Variants in SFPQ observed in about 807,000 individuals in gnomAD.
The protein encoded by SFPQ is splicing factor, proline- and glutamine-rich.
A neutral mutation model predicts 72.9 loss-of-function variants in SFPQ; 11 were observed. That is an observed-to-expected ratio of 0.15 (90% confidence interval 0.09 to 0.25). SFPQ has a LOEUF of 0.25. SFPQ is among the 10% of genes least tolerant of loss of function. SFPQ has a pLI of 1.00. For missense variants in SFPQ, 847 were observed against 993.3 expected (o/e 0.85, Z 1.98); for synonymous variants, 506 against 367.3 (o/e 1.38, Z -4.32).
In SFPQ at chr1:35,188,075, T is replaced by G; in HGVS notation, c.1713A>C (p.Arg571=). Reference sequence around the variant, plus strand: ...TCATCATCTCTTCCTCTCTTCTACGTCGTTCCTCCTCTTGCCTAGAAATAC... The same window carrying G: ...TCATCATCTCTTCCTCTCTTCTACGGCGTTCCTCCTCTTGCCTAGAAATAC... ...KEMQLRQEEE[R]RRREEEMMIR... Residue 571 remains arginine (R), a synonymous_variant, in exon 7 of 10, where the codon CGA becomes CGC. Transcript: ENST00000357214. 1 of 1,613,320 alleles carries G rather than the reference T, an allele frequency of 6.2e-7. No individual in the cohort carries two copies.
intron 1 of SFPQ, among the ~76,000 whole-genome samples, chr1:35,191,795 C>T (rs1455344870): frequency 1.3e-5 from 2 of 152,118 alleles, no homozygotes; most frequent in Non-Finnish European, 2.9e-5. Flanking sequence ...TTGAGTGTCC[C>T]TAAAAAAATC....
Position 35,184,610 on chromosome 1 carries a change from T to G in SFPQ, c.1987-17A>C, listed in dbSNP as rs759410924. ...CTCAGTACGCTATTGGAACAGTAAT[T>G]AACAGTTCATTATAAGTAGTTGATG... On this transcript the variant is annotated splice_polypyrimidine_tract_variant and intron_variant, in intron 9 of 9. Coordinates refer to ENST00000357214, the MANE Select transcript of SFPQ (RefSeq NM_005066.3). 3 of 1,548,162 alleles carry G rather than the reference T, an allele frequency of 1.9e-6. No homozygotes were observed. The East Asian group carries it at 7.2e-5, about 37-fold the overall frequency.
At position 35,184,152 on chromosome 1, in the gene SFPQ, G is replaced by GT. The variant is rs1491298328; in HGVS notation, c.*303dup. On this transcript the variant is annotated 3_prime_UTR_variant, in exon 10 of 10. Transcript: ENST00000357214. Reference sequence around the variant, plus strand: ...TATTTTTCTATTTATTTGAAGCACAGTAAAAAAAAAAAAATTGGTACACTT... The same window carrying GT: ...TATTTTTCTATTTATTTGAAGCACAGTTAAAAAAAAAAAAATTGGTACACTT... The GT allele has an allele frequency of 1.1e-5, 12 of 1,134,294 alleles. No individual in the cohort carries two copies. The highest frequency in any genetic ancestry group is 1.3e-5 in the Non-Finnish European group (12 of 924,564). 70.3% of individuals were successfully genotyped at this position (1,134,294 alleles called of 1,614,324 possible).
chr1:35,189,414 A>G lies in SFPQ; in HGVS notation c.1416-32T>C, dbSNP rs768559534. 2.0e-5 allele frequency: 30 copies of G among 1,496,854 alleles called. No individual in the cohort carries two copies. In the East Asian group the frequency reaches 6.3e-4, roughly 32 times the overall value. The allele number at this position is 1,496,854 out of a possible 1,614,324, so 92.7% of individuals were successfully genotyped here. On this transcript the variant is annotated intron_variant, in intron 4 of 9. Coordinates refer to ENST00000357214, the MANE Select transcript of SFPQ (RefSeq NM_005066.3). ...ATACACAAAATTTTAACATGAACCG[A>G]TTTGTGAATGCATACCAGAAAATAC...
chr1:35,177,969 G>A (rs1330501093), downstream of SFPQ: 45 of 1,217,084 alleles, frequency 3.7e-5, no homozygotes, highest in Non-Finnish European at 4.5e-5. Flanking sequence ...TAGGGGTTAA[G>A]ATTTCTAAAG....
intron 3 of SFPQ, 41 bp downstream of exon 3, chr1:35,190,653 A>G (rs750171389): frequency 5.0e-6 from 8 of 1,609,556 alleles, no homozygotes; most frequent in South Asian, 1.1e-5. Context: ...CCATTCTCAT[A>G]TAAGTTGATA....
At chr1:35,181,634 A>C (rs41266443), downstream of SFPQ, 200 of 1,060,768 alleles carry the variant, frequency 1.9e-4, no homozygotes, top group African/African-American at 2.4e-3. Context: ...AGTATAAAAA[A>C]CAACCAGTGT....
chr1:35,180,896 T>A (rs1418928188), downstream of SFPQ: 2 of 985,106 alleles, frequency 2.0e-6, no homozygotes, highest in Admixed American at 6.2e-5. Context: ...CACAACTGAG[T>A]CAGATATACC....
chr1:35,181,481 G>T (rs1435847527), downstream of SFPQ: 13 of 1,063,410 alleles, frequency 1.2e-5, no homozygotes, highest in Non-Finnish European at 1.4e-5. Context: ...AGAGTGGTGG[G>T]GTTTGTAGTA....
At chr1:35,178,929 G>T (rs1022730472), downstream of SFPQ, 49 of 1,051,218 alleles carry the variant, frequency 4.7e-5, no homozygotes, top group Middle Eastern at 2.1e-3. Flanking sequence ...GTGTTCAAAA[G>T]CAACGTTTTT....
intron 4 of SFPQ, chr1:35,177,879 A>T (rs1000939436): frequency 8.3e-5 from 29 of 349,762 alleles, no homozygotes; most frequent in South Asian, 8.2e-4. Context: ...ATATTATCTT[A>T]GAAACGGTAA....
chr1:35,191,115 A>C (rs1639973839), intron 2 of SFPQ, 120 bp from the exon 3 acceptor site: 1 of 949,242 alleles, frequency 1.1e-6, no homozygotes, highest in Non-Finnish European at 1.6e-6. Flanking sequence ...CATTACCTTT[A>C]GGCAGCACCC....
At position 35,190,831 on chromosome 1, in the gene SFPQ, A is replaced by G. The variant is rs751581812; in HGVS notation, c.1182T>C (p.Phe394=). 6 of 1,614,096 alleles carry G rather than the reference A, an allele frequency of 3.7e-6. No homozygotes were observed. In the African/African-American group the frequency reaches 6.7e-5, roughly 18 times the overall value. ...TTACAACAGCCCTTTCAATAGGACC[A>G]AATTGGCTAAAGGCTTCTTCCAACA... The part of the protein sequence containing the change: ...NELLEEAFSQ[F]GPIERAVVIV... Residue 394 remains phenylalanine (F), a synonymous_variant, in exon 3 of 10, where the codon TTT becomes TTC. Coordinates refer to ENST00000357214, the MANE Select transcript of SFPQ (RefSeq NM_005066.3).
downstream of SFPQ, chr1:35,182,858 C>CTACTT (rs1211497180): frequency 1.2e-5 from 13 of 1,046,618 alleles, no homozygotes; most frequent in African/African-American, 1.7e-5. Context: ...AATAAACAAT[C>CTACTT]TACTTTAATA....
At chr1:35,179,817 T>C (rs1302652635), downstream of SFPQ, 6 of 1,054,328 alleles carry the variant, frequency 5.7e-6, no homozygotes, top group East Asian at 3.2e-4. Context: ...GAGTTTTTAT[T>C]TCTAACACCC....
In SFPQ at chr1:35,191,010, C is replaced by A; in HGVS notation, c.1018-15G>T. On this transcript the variant is annotated splice_polypyrimidine_tract_variant and intron_variant, in intron 2 of 9. Transcript: ENST00000357214. ...GCTCTAGATTCCTGTGTATCAGAGA[C>A]ACTCATGTTAATGACCTCAAAATTG... The A allele has an allele frequency of 1.2e-6, 2 of 1,604,898 alleles. No individual in the cohort carries two copies. Among genetic ancestry groups the A allele is most frequent in the Non-Finnish European group, 8.5e-7 (1 of 1,174,836 alleles).
At chr1:35,180,551 TATTCACATTAG>T (rs1242408961), downstream of SFPQ, 1 of 1,049,300 alleles carries the variant, frequency 9.5e-7, no homozygotes. Flanking sequence ...TAACTTGAAC[TATTCACATTAG>T]ATTCCCATCT....
downstream of SFPQ, chr1:35,180,945 C>G (rs758771794): frequency 1.7e-4 from 163 of 985,208 alleles, no homozygotes; most frequent in Non-Finnish European, 1.9e-4. Flanking sequence ...AGAACTGCAA[C>G]AGCACTGAAT....
At chr1:35,188,777 C>T (rs1247378472) in intron 6 of SFPQ, among the ~76,000 whole-genome samples, 1 of 152,086 alleles carries the variant, frequency 6.6e-6, no homozygotes, top group African/African-American at 2.4e-5. Flanking sequence ...GCCAACATGG[C>T]GAAACCCCGT....
Sources: allele counts gnomAD v4.1 joint callset (sites outside exome capture counted in the v4.1 genomes callset), GRCh38; gene constraint gnomAD v4.1.1; transcripts MANE v1.5; gene names NCBI Gene and HGNC (gene_info 2026-07-23, HGNC 2026-07-21).